The following TENM2 variants were observed in gnomAD, a reference collection of about 807,000 sequenced individuals.
The protein encoded by TENM2 is teneurin-2.
TENM2 carries 52 observed loss-of-function variants against 245.2 expected under a neutral mutation model. The observed-to-expected ratio is 0.21, with a 90% CI of 0.17 to 0.27. The LOEUF is 0.27. Among genes scored for constraint, TENM2 ranks in the 10% least tolerant of loss-of-function variants. The pLI, the probability that TENM2 is intolerant of heterozygous loss-of-function variation, is 1.00. For missense variants in TENM2, 3,046 were observed against 3,666.8 expected, an observed-to-expected ratio of 0.83 and a Z score of 4.37; for synonymous variants, 1,363 against 1,438.9, an observed-to-expected ratio of 0.95 and a Z score of 1.19.
the TENM2 span, among the ~76,000 whole-genome samples, chr5:167,138,815 G>A: frequency 9.9e-5 from 15 of 152,112 alleles, no homozygotes; most frequent in Non-Finnish European, 1.5e-4. Flanking sequence ...TAGAGACAGC[G>A]TTTCACCATG....
At chr5:167,077,165 A>T in the TENM2 span, among the ~76,000 whole-genome samples, 1 of 152,236 alleles carries the variant, frequency 6.6e-6, no homozygotes, top group East Asian at 1.9e-4. Flanking sequence ...AAGTCATGCA[A>T]TACTACATAT....
At chr5:167,818,565 CA>C (rs1363363148) in intron 2 of TENM2, among the ~76,000 whole-genome samples, 1 of 152,056 alleles carries the variant, frequency 6.6e-6, no homozygotes, top group Non-Finnish European at 1.5e-5. Context: ...GGAGGATGAA[CA>C]ACTTTCCCAA....
chr5:167,050,157 G>A, the TENM2 span, among the ~76,000 whole-genome samples: 29 of 152,130 alleles, frequency 1.9e-4, no homozygotes, highest in African/African-American at 6.8e-4. Context: ...CCCGGGCTGC[G>A]GACTGGTGTT....
intron 2 of TENM2, among the ~76,000 whole-genome samples, chr5:167,642,742 G>A (rs72819693): frequency 0.024 from 3,684 of 152,256 alleles, 67 homozygotes; most frequent in Middle Eastern, 0.061. Flanking sequence ...TGCAATGCTT[G>A]GCTTAACTCA....
intron 2 of TENM2, among the ~76,000 whole-genome samples, chr5:167,774,745 T>A (rs1260083086): frequency 6.6e-6 from 1 of 152,142 alleles, no homozygotes; most frequent in Non-Finnish European, 1.5e-5. Context: ...TACCAGTGGA[T>A]TCTGTGCATA....
the TENM2 span, among the ~76,000 whole-genome samples, chr5:167,037,095 T>C: frequency 6.6e-6 from 1 of 152,222 alleles, no homozygotes; most frequent in African/African-American, 2.4e-5. Context: ...GAATTTGGCT[T>C]GGAAACCAGA....
intron 2 of TENM2, among the ~76,000 whole-genome samples, chr5:167,815,915 C>T (rs139809590): frequency 3.0e-3 from 450 of 151,498 alleles, no homozygotes; most frequent in Non-Finnish European, 4.6e-3. Context: ...TTTTTTTGTT[C>T]CCTCCATAGT....
chr5:167,448,440 T>C (rs1265418067), intron 2 of TENM2, among the ~76,000 whole-genome samples: 1 of 151,286 alleles, frequency 6.6e-6, no homozygotes, highest in Non-Finnish European at 1.5e-5. Flanking sequence ...TGGGAGAACA[T>C]AGCTTTTATT....
chr5:167,464,162 A>T (rs1291828290), intron 2 of TENM2, among the ~76,000 whole-genome samples: 1 of 152,180 alleles, frequency 6.6e-6, no homozygotes, highest in African/African-American at 2.4e-5. Context: ...ATTTGTTCTT[A>T]GGAGACTTGC....
At chr5:167,097,503 G>C in the TENM2 span, among the ~76,000 whole-genome samples, 1 of 151,812 alleles carries the variant, frequency 6.6e-6, no homozygotes, top group Admixed American at 6.6e-5. Context: ...CATCATCTCC[G>C]GGCACTCGCC....
rs545896951 is a variant in TENM2, at chr5:167,353,564, G to A, written c.227-21634G>A. 5.0e-3 allele frequency among the ~76,000 whole-genome samples: 610 copies of A among 122,608 alleles called. 7 individuals carry two copies. The highest frequency in any genetic ancestry group is 0.017 in the African/African-American group (589 of 33,892). 80.4% of individuals were successfully genotyped at this position (122,608 alleles called of 152,430 possible). On this transcript the variant is annotated intron_variant, in intron 1 of 28. Coordinates refer to ENST00000518659, the Ensembl canonical transcript of TENM2. ...GCTCTGTCGCCCAGGCTGGAGTGCAGTGGCGGGATCTCGGCTCACTGCAAG... is the reference window on the plus strand; with the variant it reads ...GCTCTGTCGCCCAGGCTGGAGTGCAATGGCGGGATCTCGGCTCACTGCAAG...
intron 2 of TENM2, among the ~76,000 whole-genome samples, chr5:167,723,486 A>C (rs1759778463): frequency 6.6e-6 from 1 of 152,300 alleles, no homozygotes; most frequent in African/African-American, 2.4e-5. Context: ...GTGAGCTCTG[A>C]TCTGTCTTCA....
At chr5:167,108,421 C>T in the TENM2 span, among the ~76,000 whole-genome samples, 6 of 152,262 alleles carry the variant, frequency 3.9e-5, no homozygotes, top group South Asian at 2.1e-4. Flanking sequence ...TCACCGCGCC[C>T]GGCCACTGTG....
Position 167,745,079 on chromosome 5 carries a change from A to G in TENM2, c.503-130907A>G, listed in dbSNP as rs1350969356. ...AGCCCCTATATAGATGCTCATCAGA[A>G]CAGCACGTCATATGAATTCTTCTCA... On this transcript the variant is annotated intron_variant, in intron 2 of 28. Coordinates refer to ENST00000518659, the Ensembl canonical transcript of TENM2. Among the ~76,000 whole-genome samples the G allele has an allele frequency of 2.6e-5, 4 of 152,314 alleles. No individual in the cohort carries two copies. In the East Asian group the frequency reaches 7.7e-4, roughly 29 times the overall value.
At chr5:168,090,245 C>G (rs1792816514) in intron 7 of TENM2, among the ~76,000 whole-genome samples, 1 of 151,470 alleles carries the variant, frequency 6.6e-6, no homozygotes, top group Non-Finnish European at 1.5e-5. Flanking sequence ...CACACACACA[C>G]ACACACACAC....
Position 167,415,170 on chromosome 5 carries a change from T to C in TENM2, c.502+39697T>C, listed in dbSNP as rs191748576. Reference sequence around the variant, plus strand: ...GGCTGACAGGTCCGCCACAGGAAGATTTCTGTCTATCACCATTTCAACTGT... The same window carrying C: ...GGCTGACAGGTCCGCCACAGGAAGACTTCTGTCTATCACCATTTCAACTGT... On this transcript the variant is annotated intron_variant, in intron 2 of 28. Coordinates refer to ENST00000518659, the Ensembl canonical transcript of TENM2. 3.2e-3 allele frequency among the ~76,000 whole-genome samples: 483 copies of C among 152,230 alleles called. 5 individuals are homozygous for C. The highest frequency in any genetic ancestry group is 0.012 in the Admixed American group (178 of 15,264).
chr5:167,332,549 T>C (rs367575177), intron 1 of TENM2, among the ~76,000 whole-genome samples: 2 of 152,284 alleles, frequency 1.3e-5, no homozygotes, highest in East Asian at 3.9e-4. Context: ...TGCAAATTCA[T>C]GTTTGTTTGG....
chr5:167,174,096 A>T, the TENM2 span, among the ~76,000 whole-genome samples: 1 of 150,710 alleles, frequency 6.6e-6, no homozygotes, highest in Non-Finnish European at 1.5e-5. Context: ...TGTGATGTGA[A>T]CTGAGTTTTC....
chr5:168,193,526 G>A (rs1354645985), intron 14 of TENM2, among the ~76,000 whole-genome samples: 2 of 152,188 alleles, frequency 1.3e-5, no homozygotes, highest in Non-Finnish European at 2.9e-5. Flanking sequence ...ACGATAGGAA[G>A]CCAGCAGCAA....
Sources: allele counts gnomAD v4.1 joint callset (sites outside exome capture counted in the v4.1 genomes callset), GRCh38; gene constraint gnomAD v4.1.1; transcripts MANE v1.5; gene names NCBI Gene and HGNC (gene_info 2026-07-23, HGNC 2026-07-21).